ARAP1: variants seen among roughly 807,000 people sequenced by gnomAD.
The protein encoded by ARAP1 is ArfGAP with RhoGAP domain, ankyrin repeat and PH domain 1.
In ARAP1, 76 loss-of-function variants were observed where a neutral mutation model predicts 172.2. That is an observed-to-expected ratio of 0.44 (90% confidence interval 0.37 to 0.53). The LOEUF (loss-of-function observed/expected upper bound fraction) is 0.53. ARAP1 is among the 20% of genes least tolerant of loss of function. The probability of loss-of-function intolerance (pLI) is 0.00; values close to 1 mark genes in which losing one functional copy is unlikely to be tolerated. For missense variants in ARAP1, 1,686 were observed against 1,977.5 expected (o/e 0.85, Z 2.80); for synonymous variants, 804 against 803.3 (o/e 1.00, Z -0.01).
intron 1 of ARAP1, among the ~76,000 whole-genome samples, chr11:72,735,973 G>A (rs1193504273): frequency 1.3e-5 from 2 of 152,186 alleles, no homozygotes; most frequent in Non-Finnish European, 2.9e-5. Flanking sequence ...CCTCAACCAG[G>A]CTGAGGTAAG....
chr11:72,745,270 G>C (rs1024822819), intron 1 of ARAP1, among the ~76,000 whole-genome samples: 1 of 140,800 alleles, frequency 7.1e-6, no homozygotes, highest in Non-Finnish European at 1.5e-5. Context: ...CTCACTGCAA[G>C]CTCCGCCTCA....
chr11:72,720,228 T>A (rs939955696), intron 3 of ARAP1, among the ~76,000 whole-genome samples: 3 of 152,004 alleles, frequency 2.0e-5, no homozygotes, highest in Admixed American at 2.0e-4. Context: ...TCCACAGGGG[T>A]AAACTGTCCC....
In ARAP1 at chr11:72,696,845, T is replaced by C. The variant is rs546559028; in HGVS notation, c.3166+138A>G. On this transcript the variant is annotated intron_variant, in intron 22 of 34. Transcript: ENST00000393609. ...CCCCTGGCTCTGTATGGAGCGGCGA[T>C]GGGAATGAGAAGCAGAGGCAGGCAA... 6 of 1,031,662 alleles carry C rather than the reference T, an allele frequency of 5.8e-6. No homozygotes were observed. The East Asian group carries it at 1.0e-4, about 18-fold the overall frequency. 63.9% of individuals were successfully genotyped at this position (1,031,662 alleles called of 1,614,324 possible).
At chr11:72,688,793 C>T (rs1215253656) in intron 30 of ARAP1, 3 of 446,756 alleles carry the variant, frequency 6.7e-6, no homozygotes, top group African/African-American at 2.0e-5. Flanking sequence ...CCGAGGCAGC[C>T]GTCCCAACTG....
intron 2 of ARAP1, among the ~76,000 whole-genome samples, chr11:72,728,354 G>A (rs1857760998): frequency 6.6e-6 from 1 of 152,204 alleles, no homozygotes; most frequent in Non-Finnish European, 1.5e-5. Flanking sequence ...GCCGAGGCGG[G>A]TGGATTGCCT....
At chr11:72,708,898 G>A (rs975548484) in intron 11 of ARAP1, among the ~76,000 whole-genome samples, 7 of 152,180 alleles carry the variant, frequency 4.6e-5, no homozygotes, top group Non-Finnish European at 8.8e-5. Flanking sequence ...TTAGCCGGGC[G>A]TGGTAGCGTG....
At chr11:72,747,369 G>A (rs1858399283) in intron 1 of ARAP1, among the ~76,000 whole-genome samples, 1 of 152,134 alleles carries the variant, frequency 6.6e-6, no homozygotes, top group Non-Finnish European at 1.5e-5. Context: ...CCTGTCTCTG[G>A]GCTCTAGAAC....
Position 72,699,401 on chromosome 11 carries a change from G to C in ARAP1, c.2438+16C>G. The C allele has an allele frequency of 6.2e-7, 1 of 1,613,952 alleles. No individual in the cohort carries two copies. The highest frequency in any genetic ancestry group is 8.5e-7 in the Non-Finnish European group (1 of 1,179,996). ...CCTTATAGCAACCACAGTCTGATTT[G>C]CCCAGGAGTACTCACCCATGGGTGT... On this transcript the variant is annotated intron_variant, in intron 17 of 34. Coordinates refer to ENST00000393609, the MANE Select transcript of ARAP1 (RefSeq NM_001040118.3). This position sits in a 1 kb window ranked among gnomAD's most constrained non-coding sequence, Gnocchi z 4.2.
chr11:72,718,271 C>A (rs1452641553), intron 3 of ARAP1, among the ~76,000 whole-genome samples: 1 of 152,064 alleles, frequency 6.6e-6, no homozygotes, highest in Admixed American at 6.5e-5. Context: ...GGCAGTGACC[C>A]CCTACCGAGA....
In ARAP1 at chr11:72,707,248, A is replaced by G; in HGVS notation, c.1650T>C (p.Cys550=). The part of the protein sequence containing the change: ...RIWAAAPNRF[C]ADCGAPQPDW... Reference sequence around the variant, plus strand: ...CAGGCTGAGGAGCCCCGCAGTCAGCACAGAACCTGTTGGGGGCTGCAGCCC... The same window carrying G: ...CAGGCTGAGGAGCCCCGCAGTCAGCGCAGAACCTGTTGGGGGCTGCAGCCC... The change falls in exon 12 of 35, where the codon TGT becomes TGC. Residue 550 remains cysteine, a synonymous_variant. Coordinates refer to ENST00000393609, the MANE Select transcript of ARAP1 (RefSeq NM_001040118.3). 3 of 1,612,172 alleles carry G rather than the reference A, an allele frequency of 1.9e-6. No homozygotes were observed. The highest frequency in any genetic ancestry group is 2.5e-6 in the Non-Finnish European group (3 of 1,179,172).
chr11:72,713,153 G>C (rs1391306913), intron 5 of ARAP1, 23 bp downstream of exon 5: 1 of 1,612,938 alleles, frequency 6.2e-7, no homozygotes. Context: ...CTGACAGGCA[G>C]ACAGTCCCAT....
rs59363870 is a variant in ARAP1, at chr11:72,700,172, C to T, written c.2303-620G>A. ...CTGTCATGGCCATGCAGGCTTGTAC[C>T]GTTCACAGCACTGAGCTTTACAGTG... On this transcript the variant is annotated intron_variant, in intron 16 of 34. Transcript: ENST00000393609. 4.4e-3 allele frequency: 692 copies of T among 155,970 alleles called. 3 individuals carry two copies. The highest frequency in any genetic ancestry group is 0.015 in the African/African-American group (616 of 41,618). 9.7% of individuals were successfully genotyped at this position (155,970 alleles called of 1,614,324 possible).
chr11:72,708,356 T>C (rs1253231889), intron 11 of ARAP1: 1 of 152,284 alleles, frequency 6.6e-6, no homozygotes, highest in Admixed American at 6.5e-5. Flanking sequence ...GAGCCACTCA[T>C]GCCAGCTGGG....
At chr11:72,749,353 A>C (rs77464186) in intron 1 of ARAP1, among the ~76,000 whole-genome samples, 18,846 of 152,126 alleles carry the variant, frequency 0.12, 1,456 homozygotes, top group South Asian at 0.2. Flanking sequence ...ATGTCACCTA[A>C]TTTCTTGGGT....
In ARAP1 at chr11:72,710,623, G is replaced by A; in HGVS notation, c.1214-36C>T. ...AGGGTAGAGGAGTAAGCCCAAGGTT[G>A]CAGGGAGCCCCTCAGGGGTCTCCTG... On this transcript the variant is annotated intron_variant, in intron 9 of 34. Coordinates refer to ENST00000393609, the MANE Select transcript of ARAP1 (RefSeq NM_001040118.3). This position sits in a 1 kb window ranked among gnomAD's most constrained non-coding sequence, Gnocchi z 4.3. 1 of 1,566,244 alleles carries A rather than the reference G, an allele frequency of 6.4e-7. No individual in the cohort carries two copies. Among genetic ancestry groups the A allele is most frequent in the South Asian group, 1.1e-5 (1 of 88,790 alleles).
At position 72,727,173 on chromosome 11, in the gene ARAP1, C is replaced by G; in HGVS notation, c.-44-1G>C. On this transcript the variant is annotated splice_acceptor_variant, in intron 2 of 34. Transcript: ENST00000393609. LOFTEE classifies it low-confidence loss of function (5UTR_SPLICE). ...CTGACTGGCAGGGCTTTGTCCAGAG[C>G]TAGAATAGACAGACAGGCACAGGTC... 1 of 1,520,576 alleles carries G rather than the reference C, an allele frequency of 6.6e-7. No individual in the cohort carries two copies. The highest frequency in any genetic ancestry group is 8.8e-7 in the Non-Finnish European group (1 of 1,133,988). 94.2% of individuals were successfully genotyped at this position (1,520,576 alleles called of 1,614,324 possible).
intron 23 of ARAP1, among the ~76,000 whole-genome samples, chr11:72,696,077 G>C (rs1340940173): frequency 6.6e-6 from 1 of 151,944 alleles, no homozygotes; most frequent in Non-Finnish European, 1.5e-5. Context: ...GCCCCAGTTG[G>C]AAAAATCCTC....
Position 72,685,354 on chromosome 11 carries a change from T to C in ARAP1, c.*310A>G. 1 of 441,574 alleles carries C rather than the reference T, an allele frequency of 2.3e-6. No individual in the cohort carries two copies. Among genetic ancestry groups the C allele is most frequent in the Non-Finnish European group, 4.1e-6 (1 of 243,642 alleles). 27.4% of individuals were successfully genotyped at this position (441,574 alleles called of 1,614,324 possible). Reference sequence around the variant, plus strand: ...CACGCCTCTGAAAGGGTGGTGGTCCTCCCAAGTTCCTGACTTATGCCCATC... The same window carrying C: ...CACGCCTCTGAAAGGGTGGTGGTCCCCCCAAGTTCCTGACTTATGCCCATC... On this transcript the variant is annotated 3_prime_UTR_variant, in exon 35 of 35. Transcript: ENST00000393609.
chr11:72,703,974 T>TGGCCA (rs1856639014), intron 14 of ARAP1, 178 bp downstream of exon 14: 26 of 786,142 alleles, frequency 3.3e-5, no homozygotes, highest in Non-Finnish European at 5.1e-5. Flanking sequence ...CCTCCCTGCA[T>TGGCCA]GGCCAGAACT....
Sources: allele counts gnomAD v4.1 joint callset (sites outside exome capture counted in the v4.1 genomes callset), GRCh38; gene constraint gnomAD v4.1.1; non-coding constraint Gnocchi (gnomAD v3.1); transcripts MANE v1.5; gene names NCBI Gene and HGNC (gene_info 2026-07-23, HGNC 2026-07-21).